Variants in AOPEP observed in about 807,000 individuals in gnomAD.
AOPEP encodes aminopeptidase O (putative).
In AOPEP, 77 loss-of-function variants were observed where a neutral mutation model predicts 98.1. That is an observed-to-expected ratio of 0.78 (90% CI 0.65 to 0.95). AOPEP has a LOEUF of 0.95. AOPEP is among the 40% of genes least tolerant of loss of function. The probability of loss-of-function intolerance (pLI) is 0.00; values close to 1 mark genes in which losing one functional copy is unlikely to be tolerated. For missense variants in AOPEP, 1,024 were observed against 1,024.7 expected, an observed-to-expected ratio of 1.00 and a Z score of 0.01; for synonymous variants, 346 against 365.3, an observed-to-expected ratio of 0.95 and a Z score of 0.60.
chr9:94,884,783 G>A (rs139407076), intron 5 of AOPEP, among the ~76,000 whole-genome samples: 8,118 of 151,664 alleles, frequency 0.054, 761 homozygotes, highest in African/African-American at 0.19. Context: ...AGGCCGAGGC[G>A]GGCGGATCAC....
chr9:94,936,643 T>C (rs1389732416), intron 7 of AOPEP, among the ~76,000 whole-genome samples: 3 of 152,050 alleles, frequency 2.0e-5, no homozygotes, highest in South Asian at 2.1e-4. Context: ...ACCAGCTGGG[T>C]GTCCTCTAAT....
intron 7 of AOPEP, among the ~76,000 whole-genome samples, chr9:94,943,750 C>A (rs1564423447): frequency 6.6e-6 from 1 of 151,424 alleles, no homozygotes; most frequent in Non-Finnish European, 1.5e-5. Flanking sequence ...GAAACCCCAT[C>A]TCTGCTAAAC....
chr9:95,011,365 G>A (rs1269970479), intron 13 of AOPEP, among the ~76,000 whole-genome samples: 3 of 151,918 alleles, frequency 2.0e-5, no homozygotes, highest in African/African-American at 4.8e-5. Context: ...CCCATGCCCG[G>A]CTAATTTTTT....
At chr9:95,020,371 G>A (rs2063345459) in intron 13 of AOPEP, 2 of 152,212 alleles carry the variant, frequency 1.3e-5, no homozygotes, top group South Asian at 4.1e-4. Flanking sequence ...TCCAAAGGGA[G>A]GGCTGTTTCC....
chr9:94,832,970 G>T (rs146241008), intron 5 of AOPEP, among the ~76,000 whole-genome samples: 4,051 of 145,492 alleles, frequency 0.028, 179 homozygotes, highest in African/African-American at 0.097. Context: ...GTCTCGCTCT[G>T]TTGCCCAGGC....
At chr9:95,117,506 G>C in the AOPEP span, 13 of 756,412 alleles carry the variant, frequency 1.7e-5, no homozygotes, top group East Asian at 1.1e-4. Context: ...AACATGGTCA[G>C]AACACTTTCT....
intron 7 of AOPEP, 35 bp from the exon 8 acceptor site, chr9:94,955,142 C>A: frequency 2.5e-6 from 3 of 1,205,016 alleles, no homozygotes; most frequent in Non-Finnish European, 2.4e-6. Flanking sequence ...TAAGAATGTG[C>A]TATACTTAAA....
chr9:94,941,872 GGTTA>G (rs1369880040), intron 7 of AOPEP, among the ~76,000 whole-genome samples: 2 of 151,964 alleles, frequency 1.3e-5, no homozygotes, highest in Non-Finnish European at 2.9e-5. Flanking sequence ...CATAATCACT[GGTTA>G]GTTAACTTTG....
chr9:94,774,872 G>C (rs994987179), intron 3 of AOPEP, among the ~76,000 whole-genome samples: 5 of 152,110 alleles, frequency 3.3e-5, no homozygotes, highest in African/African-American at 1.2e-4. Context: ...GGCAGCAGCA[G>C]GTCTCTCTTT....
intron 1 of AOPEP, among the ~76,000 whole-genome samples, chr9:94,728,468 G>T (rs1278820216): frequency 6.6e-6 from 1 of 152,130 alleles, no homozygotes; most frequent in Non-Finnish European, 1.5e-5. Context: ...AAACACTCAG[G>T]ATGCCGAGTA....
At chr9:94,865,321 A>G (rs1337707781) in intron 5 of AOPEP, among the ~76,000 whole-genome samples, 1 of 152,224 alleles carries the variant, frequency 6.6e-6, no homozygotes, top group South Asian at 2.1e-4. Flanking sequence ...TGTTAAGAGC[A>G]TCGCAGCTTG....
intron 1 of AOPEP, among the ~76,000 whole-genome samples, chr9:94,746,769 A>G (rs1175649085): frequency 6.6e-6 from 1 of 152,210 alleles, no homozygotes; most frequent in Non-Finnish European, 1.5e-5. Flanking sequence ...CCATCAGGGA[A>G]GCCAGAGTTC....
chr9:95,134,656 T>C, the AOPEP span, among the ~76,000 whole-genome samples: 1 of 152,246 alleles, frequency 6.6e-6, no homozygotes, highest in African/African-American at 2.4e-5. Flanking sequence ...TCTTTATTCC[T>C]GTCCTTACAA....
In AOPEP at chr9:94,863,571, A is replaced by G. The variant is rs1276080023; in HGVS notation, c.1365-60415A>G. ...GTTGGGATTACAGGTGCATGCCACA[A>G]CGCCCAGCTAATTTTTGAATTTTTA... On this transcript the variant is annotated intron_variant, in intron 5 of 16. Transcript: ENST00000375315. 3.3e-5 allele frequency among the ~76,000 whole-genome samples: 5 copies of G among 152,176 alleles called. No individual in the cohort carries two copies. In the East Asian group the frequency reaches 7.7e-4, roughly 24 times the overall value.
chr9:94,757,665 A>C (rs1457382503), intron 1 of AOPEP, among the ~76,000 whole-genome samples: 1 of 152,180 alleles, frequency 6.6e-6, no homozygotes, highest in Non-Finnish European at 1.5e-5. Context: ...AAAAATACTA[A>C]ACTTTTTCTC....
At chr9:95,130,551 G>C in the AOPEP span, among the ~76,000 whole-genome samples, 1 of 152,194 alleles carries the variant, frequency 6.6e-6, no homozygotes, top group East Asian at 1.9e-4. Flanking sequence ...ATTAAGCCTG[G>C]AATAGATTCT....
chr9:95,111,378 A>C, the AOPEP span: 2 of 1,597,306 alleles, frequency 1.3e-6, no homozygotes, highest in African/African-American at 2.7e-5. Context: ...ATGGAAGCCA[A>C]GCCCACAACA....
the AOPEP span, among the ~76,000 whole-genome samples, chr9:95,097,663 A>G: frequency 5.9e-5 from 9 of 152,226 alleles, no homozygotes; most frequent in Non-Finnish European, 8.8e-5. Flanking sequence ...CTTGCAACCA[A>G]AAGTCCTGGG....
chr9:94,841,294 C>T (rs1354051397), intron 5 of AOPEP, among the ~76,000 whole-genome samples: 4 of 152,032 alleles, frequency 2.6e-5, no homozygotes, highest in Non-Finnish European at 5.9e-5. Context: ...GCCTCAGCCT[C>T]CTGAGTAGCT....
Sources: gnomAD v4.1 joint callset for allele counts (sites outside exome capture counted in the v4.1 genomes callset) on GRCh38, gnomAD v4.1.1 for gene constraint, MANE v1.5 for transcripts, NCBI Gene and HGNC (gene_info 2026-07-23, HGNC 2026-07-21) for gene names.